Variants in E4F1 observed in about 807,000 individuals in gnomAD.
The protein encoded by E4F1 is transcription factor E4F1.
Under a neutral mutation model 72.9 loss-of-function variants are expected in E4F1, and 30 were observed. That is an observed-to-expected ratio of 0.41 (90% CI 0.31 to 0.56). E4F1 has a LOEUF of 0.56. Among genes scored for constraint, E4F1 ranks in the 20% least tolerant of loss-of-function variants. The probability of loss-of-function intolerance (pLI) is 0.25; values close to 1 mark genes in which losing one functional copy is unlikely to be tolerated. For missense variants in E4F1, 1,091 were observed against 1,117.5 expected (o/e 0.98, Z 0.34); for synonymous variants, 542 against 478.2 (o/e 1.13, Z -1.74).
At chr16:2,234,835 C>A (rs1207358117) in intron 11 of E4F1, 24 bp from the exon 12 acceptor site, 2 of 1,547,684 alleles carry the variant, frequency 1.3e-6, no homozygotes, top group South Asian at 2.4e-5. Context: ...GCTTGCCTAG[C>A]CCTGACCGAG....
chr16:2,231,922 C>T, intron 3 of E4F1: 1 of 526,200 alleles, frequency 1.9e-6, no homozygotes, highest in East Asian at 3.3e-5. Flanking sequence ...TCCCTGTGGA[C>T]ACATTTAGGG....
At chr16:2,228,288 C>G (rs779330042) in intron 1 of E4F1, 84 bp from the exon 2 acceptor site, 2 of 1,567,412 alleles carry the variant, frequency 1.3e-6, no homozygotes, top group Non-Finnish European at 1.7e-6. Context: ...GGAATCTGTT[C>G]TAGGGCTGGA....
chr16:2,232,426 G>A (rs2093473157), intron 4 of E4F1, 30 bp from the exon 5 acceptor site: 1 of 1,605,982 alleles, frequency 6.2e-7, no homozygotes, highest in African/African-American at 1.3e-5. Flanking sequence ...CCCCCAGGAG[G>A]GCCCTGAGCT....
chr16:2,226,691 G>A (rs2093434725), intron 1 of E4F1, among the ~76,000 whole-genome samples: 1 of 152,220 alleles, frequency 6.6e-6, no homozygotes, highest in Admixed American at 6.5e-5. Flanking sequence ...GCCGTTTGGT[G>A]ACCTTGAACT....
At position 2,232,776 on chromosome 16, in the gene E4F1, T is replaced by G; in HGVS notation, c.751T>G (p.Ser251Ala). Residue 251 changes from serine (S) to alanine (A), a missense_variant, in exon 6 of 14, where the codon TCC (serine) becomes GCC (alanine). Ser to Ala is a moderately conservative substitution (Grantham distance 99). This residue lies in a region of E4F1 where 362 missense variants were observed against 358.6 expected (regional missense o/e 1.01). Transcript: ENST00000301727. Reference protein sequence around the residue: ...RHTDERPYKCSKCGKSFRESG... With the variant: ...RHTDERPYKCAKCGKSFRESG... ...TGCAGATGAGCGCCCCTACAAGTGC[T>G]CCAAGTGTGGAAAGAGCTTCCGGGA... 1 of 1,613,270 alleles carries G rather than the reference T, an allele frequency of 6.2e-7. No homozygotes were observed. The highest frequency in any genetic ancestry group is 8.5e-7 in the Non-Finnish European group (1 of 1,179,986).
At chr16:2,223,851 G>A in intron 1 of E4F1, 81 bp downstream of exon 1, 1 of 1,530,922 alleles carries the variant, frequency 6.5e-7, no homozygotes, top group Non-Finnish European at 8.7e-7. Context: ...GGCCCGAGCT[G>A]CGGGCTCGAC....
rs760095584 is a variant in E4F1, at chr16:2,235,465, A to G, written c.2248A>G (p.Thr750Ala). 1 of 1,612,492 alleles carries G rather than the reference A, an allele frequency of 6.2e-7. No homozygotes were observed. ...RAGTSGTEQATVTMVSSEDIE... is the reference protein window; with the variant it reads ...RAGTSGTEQAAVTMVSSEDIE... ...AGGGACAAGTGGCACTGAACAGGCC[A>G]CTGTGACCATGGTGTCATCAGAGGA... Residue 750 changes from threonine to alanine, a missense_variant, in exon 14 of 14, where the codon ACT becomes GCT. Thr to Ala is a moderately conservative substitution (Grantham distance 58). This residue lies in a region of E4F1 where 622 missense variants were observed against 628.0 expected (regional missense o/e 0.99). Transcript: ENST00000301727.
In E4F1 at chr16:2,235,233, G is replaced by A; in HGVS notation, c.2016G>A (p.Met672Ile). 6.2e-7 allele frequency: 1 copy of A among 1,610,020 alleles called. No homozygotes were observed. The highest frequency in any genetic ancestry group is 8.5e-7 in the Non-Finnish European group (1 of 1,179,108). The change falls in exon 14 of 14, where the codon ATG becomes ATA. Residue 672 changes from methionine (M) to isoleucine (I), a missense_variant. Coordinates refer to ENST00000301727, the MANE Select transcript of E4F1 (RefSeq NM_004424.5). The part of the protein sequence containing the change: ...GTQTEVDSHI[M>I]KVVQQIVHQA... ...CCCTGCAGGTGGACAGCCACATCAT[G>A]AAGGTGGTGCAGCAGATCGTGCACC...
At position 2,232,564 on chromosome 16, in the gene E4F1, C is replaced by T. The variant is rs2093474345; in HGVS notation, c.718C>T (p.Arg240Trp). The T allele has an allele frequency of 1.2e-6, 2 of 1,612,188 alleles. No individual in the cohort carries two copies. The highest frequency in any genetic ancestry group is 2.2e-5 in the East Asian group (1 of 44,864). ...RTKGSLIRHH[R>W]RHTDERPYKC... ...CAAGGGCTCACTCATCCGGCACCAC[C>T]GGCGGCACACGGGTGAGCTGGCCGC... The change falls in exon 5 of 14, where the codon CGG (arginine) becomes TGG (tryptophan). Residue 240 changes from arginine to tryptophan, a missense_variant. Physicochemically the swap from Arg to Trp is moderately radical, Grantham distance 101. Coordinates refer to ENST00000301727, the MANE Select transcript of E4F1 (RefSeq NM_004424.5).
Position 2,223,726 on chromosome 16 carries a change from C to G in E4F1, c.113C>G (p.Ala38Gly), listed in dbSNP as rs1286732173. The change falls in exon 1 of 14, where the codon GCC (alanine) becomes GGC (glycine). Residue 38 changes from alanine (A) to glycine (G), a missense_variant. Transcript: ENST00000301727. ...GTTGCGGCGGTGGCGGCGGCCTTGG[C>G]CCCCAGCGGCTTCCTCGGCCTCCCG... is the stretch of plus-strand genomic sequence containing the variant. ...GAVAAVAAAL[A>G]PSGFLGLPAP... is the part of the protein sequence containing the mutation. The G allele has an allele frequency of 6.5e-7, 1 of 1,544,582 alleles. No homozygotes were observed.
In E4F1 at chr16:2,235,318, C is replaced by G; in HGVS notation, c.2101C>G (p.Leu701Val). ...QNVTMDEETA[L>V]GPEAAAADTI... is the part of the protein sequence containing the mutation. ...CGTCACCATGGACGAGGAGACGGCG[C>G]TGGGCCCAGAGGCGGCTGCCGCCGA... Residue 701 changes from leucine to valine, a missense_variant, in exon 14 of 14, where the codon CTG becomes GTG. Leu to Val is a conservative substitution (Grantham distance 32). Coordinates refer to ENST00000301727, the MANE Select transcript of E4F1 (RefSeq NM_004424.5). The G allele has an allele frequency of 6.2e-7, 1 of 1,610,986 alleles. No homozygotes were observed.
intron 2 of E4F1, among the ~76,000 whole-genome samples, 156 bp downstream of exon 2, chr16:2,228,679 G>A (rs1230761138): frequency 6.6e-6 from 1 of 152,250 alleles, no homozygotes. Context: ...GTCCGGGTGT[G>A]TGAGCCTGTG....
intron 2 of E4F1, among the ~76,000 whole-genome samples, chr16:2,228,748 C>G (rs549376301): frequency 6.6e-6 from 1 of 152,178 alleles, no homozygotes; most frequent in East Asian, 1.9e-4. Flanking sequence ...AGCCTCTGGT[C>G]GAAGCCCGTG....
chr16:2,226,811 C>T (rs1396922892), intron 1 of E4F1, among the ~76,000 whole-genome samples: 1 of 152,224 alleles, frequency 6.6e-6, no homozygotes, highest in Non-Finnish European at 1.5e-5. Context: ...GGGGTGGTCT[C>T]TTCTGCACGA....
intron 1 of E4F1, 102 bp from the exon 2 acceptor site, chr16:2,228,270 C>A: frequency 6.7e-7 from 1 of 1,494,814 alleles, no homozygotes; most frequent in African/African-American, 1.4e-5. Context: ...TTCTGATGGC[C>A]TCCTGGGGGA....
At chr16:2,233,289 G>A (rs2093480070) in intron 7 of E4F1, 106 bp downstream of exon 7, 30 of 1,480,060 alleles carry the variant, frequency 2.0e-5, no homozygotes, top group Non-Finnish European at 2.7e-5. Flanking sequence ...GCAGGCGAGG[G>A]CTGGGCTTCC....
Position 2,235,342 on chromosome 16 carries a change from G to C in E4F1, c.2125G>C (p.Asp709His). 2 of 1,609,970 alleles carry C rather than the reference G, an allele frequency of 1.2e-6. No homozygotes were observed. Among genetic ancestry groups the C allele is most frequent in the Non-Finnish European group, 1.7e-6 (2 of 1,179,884 alleles). The change falls in exon 14 of 14, where the codon GAC (aspartate) becomes CAC (histidine). Residue 709 changes from aspartate (D) to histidine (H), a missense_variant. Asp to His is a moderately conservative substitution (Grantham distance 81, BLOSUM62 -1). Coordinates refer to ENST00000301727, the MANE Select transcript of E4F1 (RefSeq NM_004424.5). ...GCTGGGCCCAGAGGCGGCTGCCGCCGACACCATCACCATCGCCACCCCCGA... is the reference window on the plus strand; with the variant it reads ...GCTGGGCCCAGAGGCGGCTGCCGCCCACACCATCACCATCGCCACCCCCGA... ...TALGPEAAAA[D>H]TITIATPESL...
At chr16:2,225,615 G>A (rs1328143671) in intron 1 of E4F1, among the ~76,000 whole-genome samples, 1 of 151,236 alleles carries the variant, frequency 6.6e-6, no homozygotes, top group Non-Finnish European at 1.5e-5. Flanking sequence ...CTGGGATTAC[G>A]GCACGCGGCA....
intron 2 of E4F1, among the ~76,000 whole-genome samples, 195 bp downstream of exon 2, chr16:2,228,718 G>A (rs889259419): frequency 5.3e-5 from 8 of 152,336 alleles, no homozygotes; most frequent in African/African-American, 1.9e-4. Context: ...GAGGGCCTGC[G>A]GTGGCCCAGC....
Sources: allele counts gnomAD v4.1 joint callset (sites outside exome capture counted in the v4.1 genomes callset), GRCh38; gene constraint gnomAD v4.1.1; regional missense constraint gnomAD v4.1.1; transcripts MANE v1.5; gene names NCBI Gene and HGNC (gene_info 2026-07-23, HGNC 2026-07-21).